Variants in FHAD1 observed in about 807,000 individuals in gnomAD.
The protein encoded by FHAD1 is forkhead-associated domain-containing protein 1.
FHAD1 carries 146 observed loss-of-function variants against 191.3 expected under a neutral mutation model. The observed-to-expected ratio is 0.76, with a 90% confidence interval of 0.67 to 0.88. The LOEUF (loss-of-function observed/expected upper bound fraction) is 0.88. FHAD1 is among the 40% of genes least tolerant of loss of function. The probability of loss-of-function intolerance (pLI) is 0.00; values close to 1 mark genes in which losing one functional copy is unlikely to be tolerated. For synonymous variants in FHAD1, 616 were observed against 672.3 expected, an observed-to-expected ratio of 0.92 and a Z score of 1.29; for missense variants, 1,635 against 1,785.8, an observed-to-expected ratio of 0.92 and a Z score of 1.52.
chr1:15,305,755 C>T (rs771229037), intron 6 of FHAD1: 12 of 447,972 alleles, frequency 2.7e-5, no homozygotes, highest in Admixed American at 4.8e-5. Context: ...CTCTTGCCGC[C>T]GCCATGTAAG....
intron 1 of FHAD1, among the ~76,000 whole-genome samples, chr1:15,240,630 CAAAAA>C (rs34684294): frequency 6.4e-5 from 7 of 109,866 alleles, no homozygotes; most frequent in African/African-American, 1.4e-4. Context: ...GACCCTGTCT[CAAAAA>C]AAAAAAAAAA....
At chr1:15,328,241 C>CTT (rs144888008) in intron 12 of FHAD1, 36 bp from the exon 13 acceptor site, 13,047 of 1,212,416 alleles carry the variant, frequency 0.011, 4 homozygotes, top group South Asian at 0.014. Context: ...TATGTTACAT[C>CTT]TTTTTTTTTT....
At chr1:15,267,936 A>C (rs1220400876) in intron 2 of FHAD1, among the ~76,000 whole-genome samples, 2 of 90,368 alleles carry the variant, frequency 2.2e-5, no homozygotes, top group African/African-American at 8.5e-5. Flanking sequence ...TAGCATATAA[A>C]TAGGAATATA....
At chr1:15,389,857 C>T (rs751345730) in intron 32 of FHAD1, among the ~76,000 whole-genome samples, 2 of 152,312 alleles carry the variant, frequency 1.3e-5, no homozygotes, top group Middle Eastern at 3.4e-3. Context: ...CCAAATATTG[C>T]ATGGGACATA....
chr1:15,273,574 T>C (rs1208078302), intron 3 of FHAD1, among the ~76,000 whole-genome samples: 6 of 152,166 alleles, frequency 3.9e-5, no homozygotes, highest in Admixed American at 1.3e-4. Flanking sequence ...AGCGTACAAT[T>C]CAACACATTT....
intron 2 of FHAD1, among the ~76,000 whole-genome samples, chr1:15,263,543 A>T: frequency 8.6e-6 from 1 of 116,762 alleles, no homozygotes; most frequent in African/African-American, 3.2e-5. Context: ...TTTGTCTGAG[A>T]CAGCGTCTCG....
At chr1:15,297,397 A>G (rs2100801546) in intron 5 of FHAD1, among the ~76,000 whole-genome samples, 1 of 152,324 alleles carries the variant, frequency 6.6e-6, no homozygotes. Context: ...CACCAACCTA[A>G]TACTAAAAGC....
intron 6 of FHAD1, among the ~76,000 whole-genome samples, chr1:15,302,592 G>C (rs1027223013): frequency 4.6e-5 from 7 of 152,144 alleles, no homozygotes; most frequent in African/African-American, 1.7e-4. Flanking sequence ...AGGTGTGGTG[G>C]CGGGCGCCTG....
intron 1 of FHAD1, among the ~76,000 whole-genome samples, chr1:15,239,362 G>A (rs573681129): frequency 9.9e-5 from 15 of 152,204 alleles, no homozygotes; most frequent in South Asian, 4.2e-4. Flanking sequence ...CGAGGTGGGC[G>A]GATCACTTGA....
Position 15,330,556 on chromosome 1 carries a change from A to G in FHAD1, c.1906+1015A>G, listed in dbSNP as rs1354147996. Among the ~76,000 whole-genome samples the G allele has an allele frequency of 2.6e-5, 4 of 152,202 alleles. 1 individual carries two copies. Among genetic ancestry groups the G allele is most frequent in the Admixed American group, 2.6e-4 (4 of 15,276 alleles). ...GGATGAGGTGGGCATTAATGGGAAA[A>G]TCACTCGAACAAACATGAAAGTTGA... On this transcript the variant is annotated intron_variant, in intron 14 of 33. Coordinates refer to ENST00000688493, the MANE Select transcript of FHAD1 (RefSeq NM_001391957.1).
intron 4 of FHAD1, among the ~76,000 whole-genome samples, chr1:15,295,453 T>TA (rs1192348061): frequency 6.6e-6 from 1 of 151,852 alleles, no homozygotes; most frequent in African/African-American, 2.4e-5. Context: ...TACAAAAAAT[T>TA]AAAAATTAGC....
At chr1:15,308,471 C>G in intron 6 of FHAD1, 142 bp from the exon 7 acceptor site, 4 of 1,124,594 alleles carry the variant, frequency 3.6e-6, no homozygotes, top group Non-Finnish European at 5.0e-6. Context: ...GTCCCTTCCA[C>G]TGGTTAAAAC....
downstream of FHAD1, among the ~76,000 whole-genome samples, chr1:15,399,764 C>A (rs74054705): frequency 5.2e-3 from 786 of 152,206 alleles, 13 homozygotes; most frequent in African/African-American, 0.017. Flanking sequence ...GGAAACAAAG[C>A]CAGTCTTCAG....
chr1:15,317,378 A>G (rs80213789), intron 9 of FHAD1, among the ~76,000 whole-genome samples: 14,903 of 152,194 alleles, frequency 0.098, 1,095 homozygotes, highest in African/African-American at 0.21. Context: ...CCACGCCAGC[A>G]CCGTTCCTCC....
upstream of FHAD1, among the ~76,000 whole-genome samples, chr1:15,247,070 C>T (rs954826743): frequency 2.6e-5 from 4 of 152,218 alleles, no homozygotes; most frequent in Non-Finnish European, 4.4e-5. Flanking sequence ...TCTGAGCCTC[C>T]GCTTTCCTAT....
At chr1:15,295,479 G>C (rs1393291787) in intron 4 of FHAD1, among the ~76,000 whole-genome samples, 1 of 152,086 alleles carries the variant, frequency 6.6e-6, no homozygotes, top group Admixed American at 6.5e-5. Flanking sequence ...ACGGTAGCAT[G>C]CACCTGTAGT....
At chr1:15,284,436 G>A (rs1335543081) in intron 3 of FHAD1, among the ~76,000 whole-genome samples, 4 of 142,504 alleles carry the variant, frequency 2.8e-5, no homozygotes, top group Admixed American at 7.5e-5. Flanking sequence ...CTGAGATTGC[G>A]CCACTGCACT....
At chr1:15,334,387 G>T (rs1318471077) in intron 14 of FHAD1, 3 of 152,058 alleles carry the variant, frequency 2.0e-5, no homozygotes, top group Non-Finnish European at 4.4e-5. Flanking sequence ...AGAGCTAAGA[G>T]TTGTCTTTCC....
chr1:15,298,710 T>C (rs919737974), intron 5 of FHAD1, among the ~76,000 whole-genome samples: 1 of 152,124 alleles, frequency 6.6e-6, no homozygotes, highest in African/African-American at 2.4e-5. Flanking sequence ...CTCCACTGCT[T>C]GATGGCAGAA....
Sources: gnomAD v4.1 joint callset for allele counts (sites outside exome capture counted in the v4.1 genomes callset) on GRCh38, gnomAD v4.1.1 for gene constraint, MANE v1.5 for transcripts, NCBI Gene and HGNC (gene_info 2026-07-23, HGNC 2026-07-21) for gene names.